Variants in MAP7D2 observed in about 807,000 individuals in gnomAD.
MAP7D2 encodes MAP7 domain-containing protein 2.
In MAP7D2, 33 loss-of-function variants were observed where a neutral mutation model predicts 63.5. The ratio of observed to expected loss-of-function variants is 0.52; its 90% confidence interval spans 0.39 to 0.70. The LOEUF is 0.70. Ranked by LOEUF, MAP7D2 falls within the 30% of genes least tolerant of loss-of-function variation. The pLI is 0.00. For synonymous variants in MAP7D2, 224 were observed against 223.7 expected (o/e 1.00, Z -0.01); for missense variants, 626 against 604.0 (o/e 1.04, Z -0.38).
intron 4 of MAP7D2, among the ~76,000 whole-genome samples, 189 bp downstream of exon 4, chrX:20,056,491 T>A (rs1417879559): frequency 8.9e-6 from 1 of 112,037 alleles, no homozygotes; most frequent in Non-Finnish European, 1.9e-5. Context: ...AATGCACAGA[T>A]CCCCTTCATA....
At chrX:20,035,179 T>C (rs921065601) in intron 8 of MAP7D2, among the ~76,000 whole-genome samples, 2 of 111,774 alleles carry the variant, frequency 1.8e-5, no homozygotes, top group African/African-American at 3.3e-5. Flanking sequence ...AGTGAGTGAA[T>C]GAAAGAGGGC....
chrX:20,043,291 T>C (rs1056927567), intron 7 of MAP7D2, among the ~76,000 whole-genome samples: 2 of 112,640 alleles, frequency 1.8e-5, no homozygotes, highest in Non-Finnish European at 3.8e-5. Flanking sequence ...AAAGAAAATA[T>C]GGCATTATAA....
At chrX:20,096,944 T>A (rs2066287341) in intron 1 of MAP7D2, among the ~76,000 whole-genome samples, 1 of 112,128 alleles carries the variant, frequency 8.9e-6, no homozygotes, top group Admixed American at 9.5e-5. Flanking sequence ...TTGCATTAGT[T>A]GATGAGATTT....
At chrX:20,033,579 T>G (rs2074116269) in intron 8 of MAP7D2, among the ~76,000 whole-genome samples, 1 of 112,545 alleles carries the variant, frequency 8.9e-6, no homozygotes, top group African/African-American at 3.2e-5. Flanking sequence ...GCTATTAACA[T>G]GCACAGCCAC....
intron 3 of MAP7D2, among the ~76,000 whole-genome samples, chrX:20,057,283 G>C (rs1437933381): frequency 8.9e-6 from 1 of 112,129 alleles, no homozygotes; most frequent in African/African-American, 3.2e-5. Flanking sequence ...ACTTCTTAAA[G>C]GGGAACCAAC....
At chrX:20,096,490 C>T (rs2066274355) in intron 1 of MAP7D2, among the ~76,000 whole-genome samples, 1 of 100,807 alleles carries the variant, frequency 9.9e-6, no homozygotes, top group African/African-American at 3.6e-5. Context: ...ATACATACAA[C>T]ACGAATGAAC....
At chrX:20,082,075 C>T (rs1261599045) in intron 1 of MAP7D2, among the ~76,000 whole-genome samples, 1 of 112,267 alleles carries the variant, frequency 8.9e-6, no homozygotes, top group African/African-American at 3.2e-5. Context: ...CCCAGTTACA[C>T]CACTGAGTCC....
chrX:20,064,891 G>A (rs2065312811), intron 1 of MAP7D2, 86 bp from the exon 2 acceptor site: 3 of 753,857 alleles, frequency 4.0e-6, no homozygotes, highest in South Asian at 2.2e-5. Flanking sequence ...CATGGCACCC[G>A]AGTCTGACTG....
intron 1 of MAP7D2, 54 bp downstream of exon 1, chrX:20,116,685 GCCGGGCCCGCC>G: frequency 9.2e-7 from 1 of 1,084,874 alleles, no homozygotes; most frequent in Non-Finnish European, 1.2e-6. Context: ...GCCCTGGGCC[GCCGGGCCCGCC>G]CCCCCACAGG....
Position 20,025,668 on chromosome X carries a change from T to C in MAP7D2, c.1279+13A>G. 8.3e-7 allele frequency: 1 copy of C among 1,210,042 alleles called. No homozygotes were observed. Among genetic ancestry groups the C allele is most frequent in the Non-Finnish European group, 1.1e-6 (1 of 894,345 alleles). ...CCGTCTTGGGAAAGCCAAGGCACGG[T>C]GGCAGCATCTACCTGCGCTGTTTTC... is the stretch of plus-strand genomic sequence containing the variant. On this transcript the variant is annotated intron_variant, in intron 9 of 16. Coordinates refer to ENST00000379643, the MANE Select transcript of MAP7D2 (RefSeq NM_001168465.2).
In MAP7D2 at chrX:20,009,221, T is replaced by C. The variant is rs191288484; in HGVS notation, c.*27-823A>G. Among the ~76,000 whole-genome samples, 4 of 111,436 alleles carry C rather than the reference T, an allele frequency of 3.6e-5. No individual in the cohort carries two copies. In the East Asian group the frequency reaches 1.1e-3, roughly 31 times the overall value. On this transcript the variant is annotated intron_variant, in intron 16 of 16. Transcript: ENST00000379643. The stretch of plus-strand genomic sequence containing the variant: ...AGAAACAAGTATACAAAAAACACAG[T>C]GACCTCAGCTCTGTAGCCTCTCCCA...
At chrX:20,103,672 T>C (rs1371256240) in intron 1 of MAP7D2, among the ~76,000 whole-genome samples, 1 of 112,181 alleles carries the variant, frequency 8.9e-6, no homozygotes, top group Non-Finnish European at 1.9e-5. Flanking sequence ...TATGTGCTGA[T>C]ATAAATTCAA....
intron 1 of MAP7D2, among the ~76,000 whole-genome samples, chrX:20,092,362 T>C (rs2066092188): frequency 9.0e-6 from 1 of 111,259 alleles, no homozygotes; most frequent in Non-Finnish European, 1.9e-5. Context: ...CCCCTACCAA[T>C]GTCTCTCCCA....
At chrX:20,056,230 C>T (rs764393046) in intron 4 of MAP7D2, among the ~76,000 whole-genome samples, 7 of 112,016 alleles carry the variant, frequency 6.2e-5, no homozygotes, top group East Asian at 2.8e-4. Flanking sequence ...GAAACAAAGT[C>T]GAAAAAGCAA....
At position 20,056,713 on chromosome X, in the gene MAP7D2, C is replaced by T; in HGVS notation, c.451G>A (p.Ala151Thr). 8.3e-7 allele frequency: 1 copy of T among 1,211,402 alleles called. No individual in the cohort carries two copies. The highest frequency in any genetic ancestry group is 1.1e-6 in the Non-Finnish European group (1 of 895,205). Reference protein sequence around the residue: ...LELKKKYSWGAPLAIGPGGHD... With the variant: ...LELKKKYSWGTPLAIGPGGHD... ...CCTCCGGGTCCAATGGCCAGTGGTG[C>T]TCCCCACGAATACTTCTTTTTCAGC... is the stretch of plus-strand genomic sequence containing the variant. Residue 151 changes from alanine to threonine, a missense_variant, in exon 4 of 17, where the codon GCA becomes ACA. Transcript: ENST00000379643.
intron 14 of MAP7D2, 64 bp from the exon 15 acceptor site, chrX:20,012,599 T>C: frequency 1.0e-6 from 1 of 958,863 alleles, no homozygotes; most frequent in Non-Finnish European, 1.4e-6. Context: ...AACAGAGAAA[T>C]ATAGATCAAG....
At chrX:20,057,418 C>T (rs908376658) in intron 3 of MAP7D2, among the ~76,000 whole-genome samples, 1 of 111,067 alleles carries the variant, frequency 9.0e-6, no homozygotes, top group Non-Finnish European at 1.9e-5. Context: ...TCCATGCGTT[C>T]CCAGAGTTAC....
chrX:20,011,195 C>T, intron 15 of MAP7D2, 143 bp from the exon 16 acceptor site: 1 of 601,646 alleles, frequency 1.7e-6, no homozygotes, highest in East Asian at 3.8e-5. Context: ...GTGTAACACA[C>T]TGTAAAAAAT....
At chrX:20,055,957 AG>A (rs1347617458) in intron 4 of MAP7D2, 1 of 296,831 alleles carries the variant, frequency 3.4e-6, no homozygotes, top group Non-Finnish European at 5.8e-6. Context: ...TTTTCAAAAA[AG>A]AAAAAATAAA....
Sources: allele counts gnomAD v4.1 joint callset (sites outside exome capture counted in the v4.1 genomes callset), GRCh38; gene constraint gnomAD v4.1.1; transcripts MANE v1.5; gene names NCBI Gene and HGNC (gene_info 2026-07-23, HGNC 2026-07-21).